SYNE2: variants seen among roughly 807,000 people sequenced by gnomAD.
SYNE2 encodes the protein spectrin repeat containing nuclear envelope protein 2.
Under a neutral mutation model 856.3 loss-of-function variants are expected in SYNE2, and 431 were observed. The ratio of observed to expected loss-of-function variants is 0.50; its 90% CI spans 0.47 to 0.55. SYNE2 has a LOEUF of 0.55. Among genes scored for constraint, SYNE2 ranks in the 20% least tolerant of loss-of-function variants. SYNE2 has a pLI of 0.00. For missense variants in SYNE2, 8,129 were observed against 8,023.2 expected (o/e 1.01, Z -0.50); for synonymous variants, 2,923 against 2,872.3 (o/e 1.02, Z -0.56).
At chr14:63,816,048 A>G (rs1235572326) in intron 1 of SYNE2, among the ~76,000 whole-genome samples, 2 of 149,842 alleles carry the variant, frequency 1.3e-5, no homozygotes, top group Non-Finnish European at 3.0e-5. Context: ...TCCTGGGTTC[A>G]AGCAATTCTC....
chr14:64,175,777 G>C (rs2098432480), intron 95 of SYNE2, among the ~76,000 whole-genome samples: 1 of 152,082 alleles, frequency 6.6e-6, no homozygotes, highest in South Asian at 2.1e-4. Flanking sequence ...AGTCTGTCGT[G>C]TGTGCCAAAA....
At chr14:64,175,358 ATACT>A (rs1041317884) in intron 95 of SYNE2, among the ~76,000 whole-genome samples, 26 of 152,310 alleles carry the variant, frequency 1.7e-4, no homozygotes, top group African/African-American at 5.5e-4. Flanking sequence ...TTCTATTAAG[ATACT>A]TACTTTTATG....
intron 87 of SYNE2, 47 bp from the exon 88 acceptor site, chr14:64,162,025 A>G: frequency 6.2e-7 from 1 of 1,609,104 alleles, no homozygotes; most frequent in Non-Finnish European, 8.5e-7. Context: ...TTTCGCTACA[A>G]GAGAAAGGAG....
chr14:63,800,151 C>G (rs1448958081), intron 1 of SYNE2, among the ~76,000 whole-genome samples: 1 of 152,202 alleles, frequency 6.6e-6, no homozygotes, highest in Non-Finnish European at 1.5e-5. Flanking sequence ...ATGTTTCCAT[C>G]CTAGAACAAG....
chr14:63,766,345 G>A (rs1886686132), intron 1 of SYNE2, among the ~76,000 whole-genome samples: 1 of 152,160 alleles, frequency 6.6e-6, no homozygotes, highest in Admixed American at 6.5e-5. Context: ...ATCCCAAAGT[G>A]CTGGGATTGC....
chr14:64,114,960 G>T (rs1264929262), intron 66 of SYNE2, among the ~76,000 whole-genome samples: 2 of 152,168 alleles, frequency 1.3e-5, no homozygotes, highest in Non-Finnish European at 2.9e-5. Context: ...TCAGATACTG[G>T]CACTGCCGCT....
intron 13 of SYNE2, 87 bp from the exon 14 acceptor site, chr14:63,978,764 GC>G: frequency 8.7e-7 from 1 of 1,144,036 alleles, no homozygotes; most frequent in South Asian, 1.4e-5. Flanking sequence ...AAAAGTTAAA[GC>G]CTCAATATTT....
chr14:63,922,778 T>C (rs909950598), intron 2 of SYNE2, among the ~76,000 whole-genome samples: 4 of 152,228 alleles, frequency 2.6e-5, no homozygotes, highest in Admixed American at 6.5e-5. Flanking sequence ...TTTAGACAAG[T>C]ATTTCACAAA....
intron 1 of SYNE2, among the ~76,000 whole-genome samples, chr14:63,798,000 T>C (rs1460097121): frequency 6.6e-6 from 1 of 152,254 alleles, no homozygotes; most frequent in Admixed American, 6.5e-5. Context: ...TGGCTAGATA[T>C]ATTCAATATA....
At chr14:63,856,596 T>C (rs554415868) in intron 1 of SYNE2, among the ~76,000 whole-genome samples, 67 of 152,310 alleles carry the variant, frequency 4.4e-4, no homozygotes, top group Middle Eastern at 6.8e-3. Flanking sequence ...AACATCTTAA[T>C]TAAGAAATAA....
chr14:64,183,159 C>A (rs1399559338), intron 96 of SYNE2, among the ~76,000 whole-genome samples: 3 of 149,438 alleles, frequency 2.0e-5, no homozygotes, highest in African/African-American at 7.5e-5. Context: ...ACTTCTCGGA[C>A]GGGGCGACTG....
chr14:64,199,672 C>T (rs1335488815), intron 99 of SYNE2, among the ~76,000 whole-genome samples: 3 of 142,198 alleles, frequency 2.1e-5, no homozygotes, highest in East Asian at 2.1e-4. Context: ...GAGCCCATGT[C>T]GCAGCACTGC....
intron 89 of SYNE2, 126 bp downstream of exon 89, chr14:64,163,707 C>A: frequency 9.7e-7 from 1 of 1,027,430 alleles, no homozygotes; most frequent in Non-Finnish European, 1.5e-6. Flanking sequence ...ACTGAAGCTG[C>A]TCCCAAATGT....
intron 1 of SYNE2, among the ~76,000 whole-genome samples, chr14:63,788,277 G>C (rs561459920): frequency 6.6e-6 from 1 of 152,268 alleles, no homozygotes; most frequent in Non-Finnish European, 1.5e-5. Context: ...AGACTGTAGA[G>C]ACAGCTGCCT....
At chr14:63,940,417 T>C (rs2095895453) in intron 2 of SYNE2, among the ~76,000 whole-genome samples, 197 bp from the exon 3 acceptor site, 1 of 152,012 alleles carries the variant, frequency 6.6e-6, no homozygotes, top group South Asian at 2.1e-4. Context: ...CCCATGGTTT[T>C]AAAAAAATAT....
In SYNE2 at chr14:63,987,423, G is replaced by T. The variant is rs543078126; in HGVS notation, c.2313+806G>T. Among the ~76,000 whole-genome samples, 5 of 152,306 alleles carry T rather than the reference G, an allele frequency of 3.3e-5. No individual in the cohort carries two copies. In the South Asian group the frequency reaches 1.0e-3, roughly 32 times the overall value. ...CATTGAAAGGCAGTGAGGCAAGAGT[G>T]TGTCTTAATATCACTTAGTTCTCCT... On this transcript the variant is annotated intron_variant, in intron 19 of 115. Coordinates refer to ENST00000555002, the MANE Select transcript of SYNE2 (RefSeq NM_182914.3).
In SYNE2 at chr14:63,982,744, C is replaced by A; in HGVS notation, c.1951C>A (p.Leu651Met). 3 of 1,613,980 alleles carry A rather than the reference C, an allele frequency of 1.9e-6. No individual in the cohort carries two copies. Among genetic ancestry groups the A allele is most frequent in the Non-Finnish European group, 2.5e-6 (3 of 1,179,972 alleles). The change falls in exon 17 of 116, where the codon CTG becomes ATG. Residue 651 changes from leucine (L) to methionine (M), a missense_variant. By Grantham distance (15) the Leu-to-Met change is conservative. This residue lies in a region of SYNE2 where 2,422 missense variants were observed against 2,357.4 expected (regional missense o/e 1.03). Coordinates refer to ENST00000555002, the MANE Select transcript of SYNE2 (RefSeq NM_182914.3). ...DVVGSSISKE[L>M]RRLNKRWRKL... ...GGTTGGATCATCTATTTCTAAAGAA[C>A]TGAGAAGGCTGAATAAAAGATGGAG...
chr14:64,104,678 T>C (rs1230133382), intron 64 of SYNE2, among the ~76,000 whole-genome samples: 4 of 152,126 alleles, frequency 2.6e-5, no homozygotes, highest in African/African-American at 9.7e-5. Flanking sequence ...CTTGAACTCC[T>C]GACCTCAGAT....
At chr14:64,208,107 C>A (rs1193261929) in intron 100 of SYNE2, 2 of 456,046 alleles carry the variant, frequency 4.4e-6, no homozygotes, top group East Asian at 1.4e-4. Flanking sequence ...GCATCACTAT[C>A]ATCATCAAAG....
Sources: allele counts gnomAD v4.1 joint callset (sites outside exome capture counted in the v4.1 genomes callset), GRCh38; gene constraint gnomAD v4.1.1; regional missense constraint gnomAD v4.1.1; transcripts MANE v1.5; gene names NCBI Gene and HGNC (gene_info 2026-07-23, HGNC 2026-07-21).